Variants in SEC24A observed in about 807,000 individuals in gnomAD.
The protein encoded by SEC24A is protein transport protein Sec24A.
SEC24A carries 93 observed loss-of-function variants against 129.4 expected under a neutral mutation model. That is an observed-to-expected ratio of 0.72 (90% CI 0.61 to 0.85). SEC24A has a LOEUF of 0.85. SEC24A is among the 40% of genes least tolerant of loss of function. The probability of loss-of-function intolerance (pLI) is 0.00; values close to 1 mark genes in which losing one functional copy is unlikely to be tolerated. For synonymous variants in SEC24A, 460 were observed against 467.3 expected, an observed-to-expected ratio of 0.98 and a Z score of 0.20; for missense variants, 1,264 against 1,307.4, an observed-to-expected ratio of 0.97 and a Z score of 0.51.
chr5:134,715,115 T>G lies in SEC24A; in HGVS notation c.2819T>G (p.Leu940Arg), dbSNP rs2150111318. Reference sequence around the variant, plus strand: ...AACCAGCCCTTGGTTTACCTTATGCTCACAACTCATCCCAGTTTGTATAGA... The same window carrying G: ...AACCAGCCCTTGGTTTACCTTATGCGCACAACTCATCCCAGTTTGTATAGA... ...VKNQPLVYLM[L>R]TTHPSLYRVD... Residue 940 changes from leucine (L) to arginine (R), a missense_variant, in exon 19 of 23, where the codon CTC becomes CGC. By Grantham distance (102) the Leu-to-Arg change is moderately radical. Transcript: ENST00000398844. The G allele has an allele frequency of 6.2e-7, 1 of 1,609,906 alleles. No homozygotes were observed. The highest frequency in any genetic ancestry group is 1.3e-5 in the African/African-American group (1 of 74,814).
intron 4 of SEC24A, among the ~76,000 whole-genome samples, chr5:134,673,477 G>A (rs2150081461): frequency 6.6e-6 from 1 of 152,096 alleles, no homozygotes; most frequent in Non-Finnish European, 1.5e-5. Context: ...TTTTGTTTTT[G>A]TTTTTGAGAC....
intron 1 of SEC24A, among the ~76,000 whole-genome samples, chr5:134,650,148 CTT>C (rs948969223): frequency 2.6e-5 from 4 of 152,090 alleles, no homozygotes; most frequent in African/African-American, 7.2e-5. Flanking sequence ...CTCTAAAAGA[CTT>C]TTAAAAATGT....
At chr5:134,666,110 A>AC (rs1455783071) in intron 2 of SEC24A, among the ~76,000 whole-genome samples, 1 of 151,856 alleles carries the variant, frequency 6.6e-6, no homozygotes, top group African/African-American at 2.4e-5. Context: ...ACAAAATGAG[A>AC]CCCCCGTCTC....
intron 7 of SEC24A, among the ~76,000 whole-genome samples, chr5:134,676,438 C>CTTTTTTTT (rs34581398): frequency 1.2e-5 from 1 of 84,182 alleles, no homozygotes; most frequent in African/African-American, 4.5e-5. Flanking sequence ...GCGCCCGGCT[C>CTTTTTTTT]TTTTTTTTTT....
At chr5:134,703,590 G>A (rs896553673) in intron 15 of SEC24A, among the ~76,000 whole-genome samples, 169 bp from the exon 16 acceptor site, 2 of 152,116 alleles carry the variant, frequency 1.3e-5, no homozygotes, top group African/African-American at 2.4e-5. Context: ...TTGAAAATTA[G>A]TATCCCCACC....
chr5:134,697,495 T>C (rs937275889), intron 14 of SEC24A, among the ~76,000 whole-genome samples: 4 of 152,110 alleles, frequency 2.6e-5, no homozygotes, highest in African/African-American at 4.8e-5. Context: ...TCCTAACAAT[T>C]TGTGAGGCCT....
chr5:134,655,086 C>T (rs1750194534), intron 1 of SEC24A, among the ~76,000 whole-genome samples: 1 of 152,098 alleles, frequency 6.6e-6, no homozygotes. Flanking sequence ...GGTGATCTGC[C>T]CGCCTGAGCC....
At chr5:134,703,603 C>A (rs573078628) in intron 15 of SEC24A, among the ~76,000 whole-genome samples, 156 bp from the exon 16 acceptor site, 5 of 152,184 alleles carry the variant, frequency 3.3e-5, no homozygotes, top group Non-Finnish European at 7.3e-5. Flanking sequence ...TCCCCACCTT[C>A]ATTTCAAAAG....
At chr5:134,675,321 G>T in intron 6 of SEC24A, 104 bp downstream of exon 6, 1 of 826,928 alleles carries the variant, frequency 1.2e-6, no homozygotes, top group East Asian at 2.6e-5. Flanking sequence ...ATTAATTTAT[G>T]AAAGTTCTGG....
At chr5:134,675,930 A>G in intron 6 of SEC24A, 93 bp from the exon 7 acceptor site, 1 of 773,786 alleles carries the variant, frequency 1.3e-6, no homozygotes, top group Non-Finnish European at 2.1e-6. Context: ...AATCTGATCC[A>G]GTATTAAAAT....
intron 15 of SEC24A, among the ~76,000 whole-genome samples, chr5:134,698,635 T>G (rs985835535): frequency 6.8e-6 from 1 of 148,036 alleles, no homozygotes; most frequent in African/African-American, 2.5e-5. Flanking sequence ...GTCTTGTTTT[T>G]TTTTTTTTTT....
chr5:134,715,493 C>T (rs1752449899), intron 19 of SEC24A: 1 of 209,108 alleles, frequency 4.8e-6, no homozygotes, highest in South Asian at 8.9e-5. Flanking sequence ...TTGCTCGCTT[C>T]AGCAGCAAAT....
rs1750843863 is a variant in SEC24A, at chr5:134,671,155, TG to T, written c.740-653del. Among the ~76,000 whole-genome samples the T allele has an allele frequency of 2.6e-5, 4 of 152,052 alleles. No individual in the cohort carries two copies. The South Asian group carries it at 8.3e-4, about 32-fold the overall frequency. On this transcript the variant is annotated intron_variant, in intron 3 of 22. Transcript: ENST00000398844. The stretch of plus-strand genomic sequence containing the variant: ...TGCCTCTCAGGTTCAAGGAATTCCC[TG>T]TCTCAGCCTCCCGAGTAGCTGATTA...
Position 134,727,880 on chromosome 5 carries a change from T to A in SEC24A, c.*2786T>A, listed in dbSNP as rs2150117861. On this transcript the variant is annotated 3_prime_UTR_variant, in exon 23 of 23. Transcript: ENST00000398844. ...ATCTATGCTAACTTATCAACTTGGC[T>A]ATTCAATAAAGTTAATTGAAAAGAG... 6.5e-6 allele frequency: 1 copy of A among 152,718 alleles called. No homozygotes were observed. The highest frequency in any genetic ancestry group is 2.1e-4 in the South Asian group (1 of 4,828). 9.5% of individuals were successfully genotyped at this position (152,718 alleles called of 1,614,324 possible).
At chr5:134,706,311 A>T (rs550575775) in intron 17 of SEC24A, among the ~76,000 whole-genome samples, 1 of 152,312 alleles carries the variant, frequency 6.6e-6, no homozygotes, top group East Asian at 1.9e-4. Context: ...GTTTACCACC[A>T]TACATTTGTT....
chr5:134,674,556 A>G (rs1234595164), intron 4 of SEC24A, 59 bp from the exon 5 acceptor site: 1 of 1,494,432 alleles, frequency 6.7e-7, no homozygotes, highest in African/African-American at 1.4e-5. Context: ...TTTTTTTAAA[A>G]TAAATAAATC....
intron 19 of SEC24A, among the ~76,000 whole-genome samples, chr5:134,716,826 G>A: frequency 1.4e-5 from 2 of 145,856 alleles, no homozygotes; most frequent in African/African-American, 2.5e-5. Context: ...AAGAATTTAA[G>A]ATACTTTACA....
chr5:134,695,157 C>T (rs1580721116), intron 13 of SEC24A, among the ~76,000 whole-genome samples: 1 of 152,074 alleles, frequency 6.6e-6, no homozygotes, highest in Admixed American at 6.6e-5. Context: ...ATCGGTTGAG[C>T]TCAGGAGTTT....
At chr5:134,685,929 C>A (rs1751435307) in intron 9 of SEC24A, among the ~76,000 whole-genome samples, 1 of 151,856 alleles carries the variant, frequency 6.6e-6, no homozygotes, top group Admixed American at 6.6e-5. Flanking sequence ...GCAGAGGTTG[C>A]AGTGAGCTGA....
Sources: gnomAD v4.1 joint callset for allele counts (sites outside exome capture counted in the v4.1 genomes callset) on GRCh38, gnomAD v4.1.1 for gene constraint, MANE v1.5 for transcripts, NCBI Gene and HGNC (gene_info 2026-07-23, HGNC 2026-07-21) for gene names.